KLHL8: variants seen among roughly 807,000 people sequenced by gnomAD.
KLHL8 encodes kelch like family member 8.
Under a neutral mutation model 63.5 loss-of-function variants are expected in KLHL8, and 38 were observed. The ratio of observed to expected loss-of-function variants is 0.60; its 90% confidence interval spans 0.46 to 0.78. The LOEUF (loss-of-function observed/expected upper bound fraction) is 0.78, where lower values mean the gene tolerates loss of function less well. Among genes scored for constraint, KLHL8 ranks in the 30% least tolerant of loss-of-function variants. The pLI is 0.00. For synonymous variants in KLHL8, 224 were observed against 254.3 expected, an observed-to-expected ratio of 0.88 and a Z score of 1.13; for missense variants, 566 against 752.4, an observed-to-expected ratio of 0.75 and a Z score of 2.90.
chr4:87,227,615 G>C (rs1003280777), intron 1 of KLHL8, among the ~76,000 whole-genome samples: 2 of 152,018 alleles, frequency 1.3e-5, no homozygotes, highest in Admixed American at 1.3e-4. Context: ...ATGCCATGCA[G>C]TCCAGCTGGA....
upstream of KLHL8, among the ~76,000 whole-genome samples, chr4:87,222,503 C>A (rs1482507435): frequency 6.6e-6 from 1 of 152,126 alleles, no homozygotes; most frequent in South Asian, 2.1e-4. Flanking sequence ...TTTCAGTGAA[C>A]CTTCCAAGGG....
At chr4:87,184,927 ATTAAT>A (rs1388596262) in intron 3 of KLHL8, among the ~76,000 whole-genome samples, 4 of 152,236 alleles carry the variant, frequency 2.6e-5, no homozygotes, top group Non-Finnish European at 5.9e-5. Flanking sequence ...TATAAAGTAT[ATTAAT>A]TTAGAGCTAT....
chr4:87,200,035 G>A (rs988677665), intron 1 of KLHL8, among the ~76,000 whole-genome samples: 2 of 150,706 alleles, frequency 1.3e-5, no homozygotes, highest in African/African-American at 4.9e-5. Context: ...CAGCTACTCA[G>A]GAGGCTAAGG....
At chr4:87,210,253 G>A (rs946900772) in intron 1 of KLHL8, among the ~76,000 whole-genome samples, 4 of 152,104 alleles carry the variant, frequency 2.6e-5, no homozygotes, top group Non-Finnish European at 4.4e-5. Flanking sequence ...AGGCCGAGGC[G>A]GGCGGATCAC....
chr4:87,176,890 TC>T, intron 5 of KLHL8, 22 bp from the exon 6 acceptor site: 6 of 1,222,382 alleles, frequency 4.9e-6, no homozygotes, highest in Non-Finnish European at 7.1e-6. Flanking sequence ...AGAAGTATTT[TC>T]ATTTGACTCC....
At chr4:87,219,945 G>C (rs1343805550) in intron 1 of KLHL8, 1 of 151,490 alleles carries the variant, frequency 6.6e-6, no homozygotes. Flanking sequence ...CGCAGGCCGC[G>C]GCTCCAGGGG....
chr4:87,184,607 GAAGA>G (rs1297106616), intron 3 of KLHL8, among the ~76,000 whole-genome samples: 1 of 151,816 alleles, frequency 6.6e-6, no homozygotes, highest in African/African-American at 2.4e-5. Flanking sequence ...AGGAATAAAT[GAAGA>G]AAGGAAAAAA....
At chr4:87,195,865 A>G (rs777287044) in intron 1 of KLHL8, among the ~76,000 whole-genome samples, 175 bp from the exon 2 acceptor site, 1 of 152,214 alleles carries the variant, frequency 6.6e-6, no homozygotes, top group Non-Finnish European at 1.5e-5. Flanking sequence ...ATTATTTTAT[A>G]TCAATAAAGG....
At chr4:87,208,375 T>G (rs1353593431) in intron 1 of KLHL8, among the ~76,000 whole-genome samples, 1 of 151,664 alleles carries the variant, frequency 6.6e-6, no homozygotes, top group African/African-American at 2.4e-5. Context: ...TTTTCTTTTT[T>G]TTTTTTTTTG....
intron 1 of KLHL8, among the ~76,000 whole-genome samples, chr4:87,210,314 A>G (rs538672946): frequency 4.0e-5 from 6 of 151,500 alleles, no homozygotes; most frequent in Non-Finnish European, 7.4e-5. Context: ...CGTCTCTACT[A>G]AAAAAAACAC....
At chr4:87,167,199 T>C in intron 8 of KLHL8, 2 of 534,710 alleles carry the variant, frequency 3.7e-6, no homozygotes, top group Non-Finnish European at 3.6e-6. Context: ...ACCCCCACAC[T>C]AAGTCTTCAC....
Position 87,185,737 on chromosome 4 carries a change from T to A in KLHL8, c.279A>T (p.Arg93Ser). The A allele has an allele frequency of 6.2e-7, 1 of 1,613,700 alleles. No individual in the cohort carries two copies. The highest frequency in any genetic ancestry group is 8.5e-7 in the Non-Finnish European group (1 of 1,179,804). Residue 93 changes from arginine to serine, a missense_variant, in exon 3 of 10, where the codon AGA becomes AGT. Coordinates refer to ENST00000273963, the MANE Select transcript of KLHL8 (RefSeq NM_020803.5). ...LVLACVIPYFRAMFLSEMAEA... is the reference protein window; with the variant it reads ...LVLACVIPYFSAMFLSEMAEA... ...CAGCCATTTCAGAAAGAAACATGGC[T>A]CTAAAGTAGGGAATAACACAAGCCA...
chr4:87,208,630 G>A lies in KLHL8; in HGVS notation c.-152+11788C>T, dbSNP rs112388612. ...GGGGACTACAGGCCTGAGCCACTGCGCCCAGGAGTCTTCTTTCACTTATTT... is the reference window on the plus strand; with the variant it reads ...GGGGACTACAGGCCTGAGCCACTGCACCCAGGAGTCTTCTTTCACTTATTT... On this transcript the variant is annotated intron_variant, in intron 1 of 9. Transcript: ENST00000273963. Among the ~76,000 whole-genome samples, 1,122 of 152,186 alleles carry A rather than the reference G, an allele frequency of 7.4e-3. 10 individuals are homozygous for A. The highest frequency in any genetic ancestry group is 0.025 in the African/African-American group (1,053 of 41,528).
At chr4:87,223,844 G>T (rs1732926223), upstream of KLHL8, among the ~76,000 whole-genome samples, 1 of 151,908 alleles carries the variant, frequency 6.6e-6, no homozygotes. Flanking sequence ...TTCCTAAATC[G>T]GACGAAATGT....
chr4:87,223,978 G>A (rs1732928291), upstream of KLHL8, among the ~76,000 whole-genome samples: 1 of 152,102 alleles, frequency 6.6e-6, no homozygotes, highest in South Asian at 2.1e-4. Flanking sequence ...AAACTGGAAA[G>A]GATCTGATAG....
Position 87,195,372 on chromosome 4 carries a change from A to T in KLHL8, c.168T>A (p.Ser56=), listed in dbSNP as rs1242299666. Residue 56 remains serine (S), a synonymous_variant, in exon 2 of 10, where the codon TCT becomes TCA. Transcript: ENST00000273963. ...CTCCATTTTCATAAAATCGAAGAAG[A>T]GAACCATGAAAATCTTTCCAAGCTT... ...ANEAWKDFHG[S]LLRFYENGEL... 5.6e-6 allele frequency: 9 copies of T among 1,613,296 alleles called. No homozygotes were observed. Among genetic ancestry groups the T allele is most frequent in the Non-Finnish European group, 6.8e-6 (8 of 1,179,922 alleles).
chr4:87,234,917 C>T (rs1733200929), intron 1 of KLHL8, among the ~76,000 whole-genome samples: 1 of 151,606 alleles, frequency 6.6e-6, no homozygotes, highest in Non-Finnish European at 1.5e-5. Flanking sequence ...CGTTTTTAAC[C>T]AACAGTTTAA....
At chr4:87,219,583 G>C (rs1732739433) in intron 1 of KLHL8, 1 of 152,250 alleles carries the variant, frequency 6.6e-6, no homozygotes, top group Admixed American at 6.5e-5. Flanking sequence ...ACACTGCCAA[G>C]AGGGAAAAAC....
intron 1 of KLHL8, 100 bp from the exon 2 acceptor site, chr4:87,195,790 A>G (rs1348424791): frequency 3.7e-5 from 12 of 322,676 alleles, no homozygotes; most frequent in South Asian, 1.9e-4. Context: ...AACTATATCA[A>G]TCATATTTAT....
Sources: allele counts gnomAD v4.1 joint callset (sites outside exome capture counted in the v4.1 genomes callset), GRCh38; gene constraint gnomAD v4.1.1; transcripts MANE v1.5; gene names NCBI Gene and HGNC (gene_info 2026-07-23, HGNC 2026-07-21).